PCDH15: variants seen among roughly 807,000 people sequenced by gnomAD.
PCDH15 encodes the protein protocadherin related 15.
In PCDH15, 129 loss-of-function variants were observed where a neutral mutation model predicts 178.5. That is an observed-to-expected ratio of 0.72 (90% CI 0.63 to 0.84). The LOEUF (loss-of-function observed/expected upper bound fraction) is 0.84. Among genes scored for constraint, PCDH15 ranks in the 40% least tolerant of loss-of-function variants. The pLI is 0.00. For missense variants in PCDH15, 2,230 were observed against 2,099.9 expected (o/e 1.06, Z -1.21); for synonymous variants, 800 against 732.0 (o/e 1.09, Z -1.50).
chr10:55,279,509 G>A (rs1429976702), intron 1 of PCDH15, among the ~76,000 whole-genome samples: 1 of 151,906 alleles, frequency 6.6e-6, no homozygotes. Flanking sequence ...ATAAGCGACC[G>A]GCATACCTAC....
At chr10:53,831,237 C>G (rs2132633282) in intron 30 of PCDH15, 78 bp downstream of exon 30, 1 of 1,328,976 alleles carries the variant, frequency 7.5e-7, no homozygotes, top group Non-Finnish European at 1.1e-6. Flanking sequence ...TTTTACAACG[C>G]AAAGCCATGT....
intron 1 of PCDH15, among the ~76,000 whole-genome samples, chr10:54,786,342 C>T (rs890024374): frequency 6.6e-6 from 1 of 151,936 alleles, no homozygotes; most frequent in Non-Finnish European, 1.5e-5. Context: ...CACTCTATTC[C>T]ACCAGTTAAA....
chr10:55,257,188 C>G (rs1192681712), intron 1 of PCDH15, among the ~76,000 whole-genome samples: 1 of 152,144 alleles, frequency 6.6e-6, no homozygotes, highest in Non-Finnish European at 1.5e-5. Flanking sequence ...GGAAAACTAA[C>G]AAACAGAAAG....
intron 28 of PCDH15, among the ~76,000 whole-genome samples, chr10:53,845,507 A>G (rs1455942169): frequency 1.3e-5 from 2 of 151,966 alleles, no homozygotes; most frequent in Admixed American, 6.6e-5. Flanking sequence ...TGGATAAAGC[A>G]AATACAGTAT....
At position 54,895,169 on chromosome 10, in the gene PCDH15, G is replaced by A. The variant is rs868759851; in HGVS notation, c.-29+2281C>T. ...GTATCCTCATTTTACCCTGTTAAGA[G>A]TAGAACAATGGCACATACCAATCAT... On this transcript the variant is annotated intron_variant, in intron 3 of 5. Coordinates refer to the PCDH15 transcript ENST00000458638. Among the ~76,000 whole-genome samples the A allele has an allele frequency of 4.6e-5, 7 of 152,254 alleles. No individual in the cohort carries two copies. The South Asian group carries it at 1.5e-3, about 32-fold the overall frequency.
At chr10:54,990,299 A>G (rs973312695) in intron 2 of PCDH15, among the ~76,000 whole-genome samples, 1 of 152,004 alleles carries the variant, frequency 6.6e-6, no homozygotes, top group Non-Finnish European at 1.5e-5. Flanking sequence ...AGAAAATACC[A>G]TTTTTTTTAA....
At chr10:54,860,051 T>C (rs907577102) in intron 3 of PCDH15, among the ~76,000 whole-genome samples, 3 of 152,102 alleles carry the variant, frequency 2.0e-5, no homozygotes, top group Admixed American at 6.6e-5. Context: ...GTTTCTTTCA[T>C]AGTTTGGAAT....
At chr10:55,222,730 C>CATATATATATAT (rs142618720) in intron 1 of PCDH15, among the ~76,000 whole-genome samples, 123 of 121,112 alleles carry the variant, frequency 1.0e-3, no homozygotes, top group Non-Finnish European at 1.2e-3. Flanking sequence ...CACACACACA[C>CATATATATATAT]ATATATATAT....
intron 7 of PCDH15, among the ~76,000 whole-genome samples, chr10:54,329,040 T>C (rs1187576198): frequency 6.6e-6 from 1 of 152,002 alleles, no homozygotes; most frequent in African/African-American, 2.4e-5. Context: ...TGTCCTGTTA[T>C]TGTTATCTAC....
chr10:54,434,792 T>A (rs1483435238), intron 3 of PCDH15, among the ~76,000 whole-genome samples: 2 of 152,196 alleles, frequency 1.3e-5, no homozygotes, highest in South Asian at 2.1e-4. Context: ...AAGAATCCCT[T>A]AACACAAAAA....
chr10:54,083,935 T>TA (rs2094474552), intron 16 of PCDH15, among the ~76,000 whole-genome samples: 2 of 152,184 alleles, frequency 1.3e-5, no homozygotes, highest in South Asian at 4.1e-4. Context: ...AAACATAATT[T>TA]AAAAATTTGG....
intron 1 of PCDH15, among the ~76,000 whole-genome samples, chr10:55,174,051 T>C (rs1175148269): frequency 6.6e-6 from 1 of 152,224 alleles, no homozygotes; most frequent in Non-Finnish European, 1.5e-5. Flanking sequence ...AGATCTTTGC[T>C]ATAAAAGTAG....
intron 3 of PCDH15, among the ~76,000 whole-genome samples, chr10:54,496,589 G>C (rs938649725): frequency 1.3e-5 from 2 of 152,008 alleles, no homozygotes; most frequent in Admixed American, 1.3e-4. Context: ...CATCTCTGAA[G>C]GTTTTCTTTT....
intron 2 of PCDH15, among the ~76,000 whole-genome samples, chr10:55,600,633 A>G (rs1271759805): frequency 2.0e-5 from 3 of 152,076 alleles, no homozygotes; most frequent in Non-Finnish European, 4.4e-5. Flanking sequence ...GTCCTTCGTG[A>G]TCTGAGTTCA....
intron 5 of PCDH15, among the ~76,000 whole-genome samples, chr10:54,364,449 G>A (rs1220373384): frequency 6.6e-6 from 1 of 151,916 alleles, no homozygotes; most frequent in Non-Finnish European, 1.5e-5. Flanking sequence ...GCCATGTGGG[G>A]GACATGTTGA....
intron 13 of PCDH15, among the ~76,000 whole-genome samples, chr10:54,156,380 T>C (rs1227030848): frequency 6.6e-6 from 1 of 152,036 alleles, no homozygotes; most frequent in East Asian, 1.9e-4. Flanking sequence ...TCCACGTGGG[T>C]AGGGAAGCCT....
chr10:54,206,225 C>T (rs1042289052), intron 10 of PCDH15, among the ~76,000 whole-genome samples: 5 of 151,980 alleles, frequency 3.3e-5, no homozygotes, highest in African/African-American at 1.2e-4. Flanking sequence ...AGATACAAAT[C>T]GACACTGGAA....
intron 2 of PCDH15, among the ~76,000 whole-genome samples, chr10:55,024,539 T>C (rs1476643664): frequency 2.0e-5 from 3 of 151,618 alleles, no homozygotes; most frequent in African/African-American, 7.3e-5. Context: ...TCCAGATGTG[T>C]AATCAGTGAT....
chr10:54,509,394 T>G (rs1285336974), intron 3 of PCDH15, among the ~76,000 whole-genome samples: 1 of 152,146 alleles, frequency 6.6e-6, no homozygotes, highest in Admixed American at 6.6e-5. Context: ...ATGAAAGATG[T>G]GCTTTTTGTC....
Sources: gnomAD v4.1 joint callset for allele counts (sites outside exome capture counted in the v4.1 genomes callset) on GRCh38, gnomAD v4.1.1 for gene constraint, MANE v1.5 for transcripts, NCBI Gene and HGNC (gene_info 2026-07-23, HGNC 2026-07-21) for gene names.